TMPRSS11F: variants seen among roughly 807,000 people sequenced by gnomAD.
TMPRSS11F encodes transmembrane protease serine 11F.
A neutral mutation model predicts 60.2 loss-of-function variants in TMPRSS11F; 47 were observed. That is an observed-to-expected ratio of 0.78 (90% confidence interval 0.62 to 1.00). The LOEUF is 1.00. Among genes scored for constraint, TMPRSS11F ranks in the 50% least tolerant of loss-of-function variants. The pLI, the probability that TMPRSS11F is intolerant of heterozygous loss-of-function variation, is 0.00. For missense variants in TMPRSS11F, 519 were observed against 522.9 expected, an observed-to-expected ratio of 0.99 and a Z score of 0.07; for synonymous variants, 166 against 167.3, an observed-to-expected ratio of 0.99 and a Z score of 0.06.
Position 68,108,142 on chromosome 4 carries a change from A to C in TMPRSS11F, c.12-9104T>G, listed in dbSNP as rs73823605. Among the ~76,000 whole-genome samples, 1,380 of 152,264 alleles carry C rather than the reference A, an allele frequency of 9.1e-3. 27 individuals are homozygous for C. Among genetic ancestry groups the C allele is most frequent in the African/African-American group, 0.032 (1,311 of 41,536 alleles). ...TGAAGTAGGATGCTAGCAACGAGGA[A>C]ATCAGAACATATAACTGGATTCAGA... On this transcript the variant is annotated intron_variant, in intron 1 of 9. Coordinates refer to ENST00000356291, the MANE Select transcript of TMPRSS11F (RefSeq NM_207407.2).
intron 1 of TMPRSS11F, among the ~76,000 whole-genome samples, chr4:68,107,688 C>G (rs1724331030): frequency 6.6e-6 from 1 of 152,082 alleles, no homozygotes; most frequent in Non-Finnish European, 1.5e-5. Context: ...ATTTTGGTCC[C>G]AGCACTTTGA....
At chr4:68,095,181 T>C (rs539683747) in intron 2 of TMPRSS11F, among the ~76,000 whole-genome samples, 2 of 151,412 alleles carry the variant, frequency 1.3e-5, no homozygotes, top group East Asian at 3.9e-4. Context: ...GTATATTATA[T>C]GTATAACACA....
intron 3 of TMPRSS11F, among the ~76,000 whole-genome samples, chr4:68,089,869 T>A (rs989698931): frequency 6.6e-6 from 1 of 152,082 alleles, no homozygotes; most frequent in Non-Finnish European, 1.5e-5. Flanking sequence ...ATAACTCTTA[T>A]AAGTTTAAAA....
chr4:68,098,765 C>T, intron 2 of TMPRSS11F, 122 bp downstream of exon 2: 2 of 883,604 alleles, frequency 2.3e-6, no homozygotes, highest in Non-Finnish European at 3.3e-6. Context: ...AATTTAACAT[C>T]AGTAAAAGAC....
intron 7 of TMPRSS11F, among the ~76,000 whole-genome samples, chr4:68,065,482 C>A (rs1346816811): frequency 6.6e-6 from 1 of 152,166 alleles, no homozygotes; most frequent in East Asian, 1.9e-4. Flanking sequence ...CAGCTCCTAC[C>A]GCCCATGGAT....
intron 1 of TMPRSS11F, 66 bp downstream of exon 1, chr4:68,129,744 C>T: frequency 1.4e-6 from 2 of 1,479,616 alleles, no homozygotes; most frequent in Non-Finnish European, 1.9e-6. Context: ...TCTGTACTAC[C>T]TGTCTCAGGA....
chr4:68,059,532 C>T, intron 8 of TMPRSS11F, 64 bp from the exon 9 acceptor site: 1 of 1,465,912 alleles, frequency 6.8e-7, no homozygotes. Flanking sequence ...GTATCTAAGA[C>T]ATAGAAGACA....
At chr4:68,078,838 T>C (rs1028898189) in intron 3 of TMPRSS11F, among the ~76,000 whole-genome samples, 1 of 152,126 alleles carries the variant, frequency 6.6e-6, no homozygotes, top group African/African-American at 2.4e-5. Context: ...GCCCATTTTA[T>C]TTCCATCACT....
intron 1 of TMPRSS11F, among the ~76,000 whole-genome samples, chr4:68,108,827 T>C (rs1373487124): frequency 6.6e-6 from 1 of 152,230 alleles, no homozygotes; most frequent in Non-Finnish European, 1.5e-5. Flanking sequence ...TGAGACTAGC[T>C]GTAGTACAAA....
chr4:68,065,409 T>C (rs2109837086), intron 7 of TMPRSS11F, among the ~76,000 whole-genome samples: 1 of 152,324 alleles, frequency 6.6e-6, no homozygotes, highest in Non-Finnish European at 1.5e-5. Flanking sequence ...ACATGGTTTT[T>C]TCTCTACCCT....
At chr4:68,093,954 C>CTGTAAACTAGT in intron 2 of TMPRSS11F, among the ~76,000 whole-genome samples, 1 of 110,934 alleles carries the variant, frequency 9.0e-6, no homozygotes, top group East Asian at 2.6e-4. Flanking sequence ...GTTGGTGGGA[C>CTGTAAACTAGT]TGTAAACTAG....
chr4:68,118,539 T>C (rs1218775808), intron 1 of TMPRSS11F, among the ~76,000 whole-genome samples: 1 of 152,188 alleles, frequency 6.6e-6, no homozygotes, highest in Non-Finnish European at 1.5e-5. Context: ...AATTACAATA[T>C]ATTTCTAGCA....
At chr4:68,119,440 A>G (rs933093970) in intron 1 of TMPRSS11F, among the ~76,000 whole-genome samples, 3 of 152,194 alleles carry the variant, frequency 2.0e-5, no homozygotes, top group South Asian at 4.1e-4. Context: ...GCTAGAGAGG[A>G]CAAGTCAATG....
chr4:68,091,082 T>C (rs1007446504), intron 2 of TMPRSS11F, among the ~76,000 whole-genome samples: 5 of 152,136 alleles, frequency 3.3e-5, no homozygotes, highest in African/African-American at 1.2e-4. Flanking sequence ...TAGAAGTCCA[T>C]ATTTATTGTT....
At chr4:68,122,886 G>A (rs1242371050) in intron 1 of TMPRSS11F, among the ~76,000 whole-genome samples, 1 of 152,120 alleles carries the variant, frequency 6.6e-6, no homozygotes, top group African/African-American at 2.4e-5. Flanking sequence ...TCTGAACTCC[G>A]ACTTACCATT....
At chr4:68,090,439 G>T in intron 3 of TMPRSS11F, 84 bp downstream of exon 3, 1 of 1,464,056 alleles carries the variant, frequency 6.8e-7, no homozygotes. Flanking sequence ...AGAAGAAATT[G>T]AGACTAAGTT....
intron 3 of TMPRSS11F, among the ~76,000 whole-genome samples, chr4:68,087,620 C>T (rs775854936): frequency 6.6e-6 from 1 of 151,744 alleles, no homozygotes; most frequent in African/African-American, 2.4e-5. Context: ...AAAGACTTCA[C>T]AAAAAAAGCT....
At chr4:68,058,534 G>A (rs1230525631) in intron 9 of TMPRSS11F, among the ~76,000 whole-genome samples, 3 of 152,192 alleles carry the variant, frequency 2.0e-5, no homozygotes, top group African/African-American at 7.2e-5. Flanking sequence ...TATTTCAGGT[G>A]CAGTAAATAA....
intron 2 of TMPRSS11F, among the ~76,000 whole-genome samples, chr4:68,091,744 CT>C (rs1289828448): frequency 9.1e-6 from 1 of 110,084 alleles, no homozygotes; most frequent in Non-Finnish European, 1.9e-5. Context: ...CATTTAATCT[CT>C]AATCTCTCTC....
Sources: gnomAD v4.1 joint callset for allele counts (sites outside exome capture counted in the v4.1 genomes callset) on GRCh38, gnomAD v4.1.1 for gene constraint, MANE v1.5 for transcripts, NCBI Gene and HGNC (gene_info 2026-07-23, HGNC 2026-07-21) for gene names.